The following ZNF385D variants were observed in gnomAD, a reference collection of about 807,000 sequenced individuals.
The protein encoded by ZNF385D is zinc finger protein 659.
Under a neutral mutation model 35.8 loss-of-function variants are expected in ZNF385D, and 15 were observed. That is an observed-to-expected ratio of 0.42 (90% CI 0.28 to 0.64). The LOEUF (loss-of-function observed/expected upper bound fraction) is 0.64. Among genes scored for constraint, ZNF385D ranks in the 30% least tolerant of loss-of-function variants. ZNF385D has a pLI of 0.23. For missense variants in ZNF385D, 474 were observed against 494.6 expected (o/e 0.96, Z 0.39); for synonymous variants, 212 against 186.8 (o/e 1.13, Z -1.10).
intron 3 of ZNF385D, among the ~76,000 whole-genome samples, chr3:21,969,688 C>A (rs1437822552): frequency 6.6e-6 from 1 of 152,014 alleles, no homozygotes; most frequent in Non-Finnish European, 1.5e-5. Flanking sequence ...ATTGTAGGGT[C>A]CTTGGGCTTT....
intron 2 of ZNF385D, among the ~76,000 whole-genome samples, chr3:22,246,431 C>A (rs1021391641): frequency 6.6e-6 from 1 of 152,000 alleles, no homozygotes. Flanking sequence ...TATTTGTAGA[C>A]GGCCCTCAAA....
chr3:21,616,207 A>G (rs890897907), intron 2 of ZNF385D, among the ~76,000 whole-genome samples: 1 of 152,222 alleles, frequency 6.6e-6, no homozygotes, highest in African/African-American at 2.4e-5. Flanking sequence ...AATGTGATTA[A>G]AATAAAGGTC....
intron 2 of ZNF385D, among the ~76,000 whole-genome samples, chr3:22,274,784 CTT>C (rs59160644): frequency 0.38 from 55,950 of 145,814 alleles, 10,515 homozygotes; most frequent in African/African-American, 0.39. Flanking sequence ...GAAGTTAGTA[CTT>C]TTTTTTTTTT....
At chr3:21,571,384 C>G (rs2063330090) in intron 2 of ZNF385D, among the ~76,000 whole-genome samples, 1 of 152,078 alleles carries the variant, frequency 6.6e-6, no homozygotes, top group Non-Finnish European at 1.5e-5. Flanking sequence ...CCATGTTAAT[C>G]TATTAGGAAT....
chr3:21,784,101 T>C (rs900885760), intron 3 of ZNF385D, among the ~76,000 whole-genome samples: 3 of 152,182 alleles, frequency 2.0e-5, no homozygotes, highest in Non-Finnish European at 2.9e-5. Flanking sequence ...TGTAAGAAGT[T>C]TGTCATTTAG....
chr3:21,954,474 C>A (rs1373304329), intron 3 of ZNF385D, among the ~76,000 whole-genome samples: 1 of 151,930 alleles, frequency 6.6e-6, no homozygotes, highest in East Asian at 1.9e-4. Context: ...AACTCCTCAA[C>A]CTGGAGGTTT....
At chr3:21,618,036 G>C (rs2064898070) in intron 2 of ZNF385D, among the ~76,000 whole-genome samples, 1 of 152,104 alleles carries the variant, frequency 6.6e-6, no homozygotes, top group Non-Finnish European at 1.5e-5. Flanking sequence ...TATGCAGTGG[G>C]TTGAATGGTG....
At chr3:22,004,010 T>G (rs1401505317) in intron 3 of ZNF385D, among the ~76,000 whole-genome samples, 1 of 151,886 alleles carries the variant, frequency 6.6e-6, no homozygotes, top group Non-Finnish European at 1.5e-5. Flanking sequence ...ACTATAAAGT[T>G]ATAGTAACTA....
intron 5 of ZNF385D, 170 bp downstream of exon 5, chr3:21,436,800 A>G (rs1701573995): frequency 1.5e-6 from 1 of 680,432 alleles, no homozygotes; most frequent in Non-Finnish European, 2.4e-6. Context: ...CCTTGCCCCT[A>G]TATAAATGAC....
intron 1 of ZNF385D, among the ~76,000 whole-genome samples, chr3:21,681,728 AAAAC>A (rs1296435455): frequency 6.6e-6 from 1 of 151,802 alleles, no homozygotes; most frequent in Non-Finnish European, 1.5e-5. Context: ...AAAAGGAAAT[AAAAC>A]AATCAACCAA....
intron 2 of ZNF385D, among the ~76,000 whole-genome samples, chr3:22,348,782 G>T (rs1180753586): frequency 1.3e-5 from 2 of 152,190 alleles, no homozygotes; most frequent in African/African-American, 4.8e-5. Context: ...CTATCTACCA[G>T]TTAAGGAGAG....
At chr3:21,449,297 A>T (rs1237140287) in intron 4 of ZNF385D, among the ~76,000 whole-genome samples, 1 of 152,052 alleles carries the variant, frequency 6.6e-6, no homozygotes, top group Non-Finnish European at 1.5e-5. Flanking sequence ...AAAAATAGAA[A>T]TCTAGTCCCA....
At chr3:22,204,979 C>CAAAAA (rs761954306) in intron 2 of ZNF385D, among the ~76,000 whole-genome samples, 5 of 92,978 alleles carry the variant, frequency 5.4e-5, no homozygotes, top group Non-Finnish European at 1.1e-4. Context: ...TGACCAAATC[C>CAAAAA]AAAAAAAAAA....
At chr3:21,810,176 A>T (rs548456533) in intron 3 of ZNF385D, among the ~76,000 whole-genome samples, 15 of 152,164 alleles carry the variant, frequency 9.9e-5, no homozygotes, top group Non-Finnish European at 2.2e-4. Context: ...ACAATGTATA[A>T]AAAGAAAAAT....
chr3:21,665,624 C>CT (rs1161474295), intron 1 of ZNF385D, among the ~76,000 whole-genome samples: 2 of 152,168 alleles, frequency 1.3e-5, no homozygotes, highest in Non-Finnish European at 2.9e-5. Flanking sequence ...CCCTACAGCT[C>CT]TGAGTATTCA....
At chr3:21,464,392 A>C (rs1299948193) in intron 4 of ZNF385D, among the ~76,000 whole-genome samples, 1 of 152,208 alleles carries the variant, frequency 6.6e-6, no homozygotes, top group African/African-American at 2.4e-5. Flanking sequence ...TTATATTAAA[A>C]AACAAAAATT....
chr3:21,642,809 C>T (rs997148247), intron 2 of ZNF385D, among the ~76,000 whole-genome samples: 2 of 151,976 alleles, frequency 1.3e-5, no homozygotes, highest in African/African-American at 4.8e-5. Context: ...AATGGGTGAA[C>T]CTTGAGGACA....
chr3:21,901,291 C>T (rs1042403245), intron 3 of ZNF385D, among the ~76,000 whole-genome samples: 5 of 152,232 alleles, frequency 3.3e-5, no homozygotes, highest in East Asian at 1.9e-4. Flanking sequence ...TTTCCACCCA[C>T]GCCTCCCAAG....
At chr3:21,929,836 C>A (rs1700915067) in intron 3 of ZNF385D, among the ~76,000 whole-genome samples, 3 of 151,884 alleles carry the variant, frequency 2.0e-5, no homozygotes, top group Non-Finnish European at 2.9e-5. Flanking sequence ...CTGCGTTCAC[C>A]ATTTTGAAGG....
Sources: allele counts gnomAD v4.1 joint callset (sites outside exome capture counted in the v4.1 genomes callset), GRCh38; gene constraint gnomAD v4.1.1; transcripts MANE v1.5; gene names NCBI Gene and HGNC (gene_info 2026-07-23, HGNC 2026-07-21).